GRID2: variants seen among roughly 807,000 people sequenced by gnomAD.
GRID2 encodes glutamate ionotropic receptor delta type subunit 2.
In GRID2, 33 loss-of-function variants were observed where a neutral mutation model predicts 114.8. The ratio of observed to expected loss-of-function variants is 0.29; its 90% CI spans 0.22 to 0.38. The LOEUF is 0.38. Among genes scored for constraint, GRID2 ranks in the 10% least tolerant of loss-of-function variants. The pLI is 1.00. For missense variants in GRID2, 1,184 were observed against 1,257.7 expected (o/e 0.94, Z 0.89); for synonymous variants, 505 against 449.9 (o/e 1.12, Z -1.55).
At chr4:92,444,658 C>T (rs1016637845) in intron 1 of GRID2, among the ~76,000 whole-genome samples, 2 of 152,012 alleles carry the variant, frequency 1.3e-5, no homozygotes, top group Non-Finnish European at 2.9e-5. Context: ...CCTGACATTT[C>T]GTACTATGGA....
chr4:92,944,262 C>G (rs1578556601), intron 2 of GRID2, among the ~76,000 whole-genome samples: 1 of 152,204 alleles, frequency 6.6e-6, no homozygotes, highest in East Asian at 1.9e-4. Context: ...CCTACTCAAG[C>G]CTGGGCAATT....
intron 1 of GRID2, among the ~76,000 whole-genome samples, chr4:92,568,055 G>A (rs569462651): frequency 6.6e-4 from 100 of 152,000 alleles, no homozygotes; most frequent in Non-Finnish European, 1.3e-3. Context: ...GTTTTAAACA[G>A]GGTCATCAAG....
Position 92,938,552 on chromosome 4 carries a change from T to G in GRID2, c.245-146443T>G, listed in dbSNP as rs970026014. Among the ~76,000 whole-genome samples the G allele has an allele frequency of 6.2e-5, 9 of 144,728 alleles. 2 individuals are homozygous for G. Among genetic ancestry groups the G allele is most frequent in the Non-Finnish European group, 1.4e-4 (9 of 65,098 alleles). The allele number at this position is 144,728 out of a possible 152,430, so 94.9% of individuals were successfully genotyped here. ...TGTAATATTAAGATTAGTGGGAGGA[T>G]TAATGTCAATATTTCTTTTTTTTTA... is the stretch of plus-strand genomic sequence containing the variant. On this transcript the variant is annotated intron_variant, in intron 2 of 15. Transcript: ENST00000282020.
At chr4:93,628,528 A>C (rs1369564581) in intron 14 of GRID2, among the ~76,000 whole-genome samples, 1 of 152,150 alleles carries the variant, frequency 6.6e-6, no homozygotes, top group Admixed American at 6.6e-5. Context: ...GAACAAATAG[A>C]AGAGACCCTT....
At chr4:92,465,816 A>G (rs1175732248) in intron 1 of GRID2, among the ~76,000 whole-genome samples, 1 of 151,966 alleles carries the variant, frequency 6.6e-6, no homozygotes, top group Non-Finnish European at 1.5e-5. Context: ...CACCAATGTG[A>G]AAAGCATCTA....
At chr4:92,537,466 T>A (rs2149158959) in intron 1 of GRID2, among the ~76,000 whole-genome samples, 1 of 152,308 alleles carries the variant, frequency 6.6e-6, no homozygotes, top group South Asian at 2.1e-4. Context: ...TTACCAATCT[T>A]CAATTATGAT....
intron 2 of GRID2, among the ~76,000 whole-genome samples, chr4:92,831,851 C>A (rs1163608684): frequency 6.6e-6 from 1 of 151,872 alleles, no homozygotes; most frequent in Non-Finnish European, 1.5e-5. Flanking sequence ...CAGAGCAAGA[C>A]CCCATCTTGC....
At chr4:92,536,543 A>T (rs911788525) in intron 1 of GRID2, among the ~76,000 whole-genome samples, 1 of 152,242 alleles carries the variant, frequency 6.6e-6, no homozygotes, top group Non-Finnish European at 1.5e-5. Context: ...AAGAATGAAG[A>T]TGAAATAAAA....
chr4:93,169,529 C>T (rs1021226338), intron 4 of GRID2, among the ~76,000 whole-genome samples: 6 of 152,056 alleles, frequency 3.9e-5, no homozygotes, highest in African/African-American at 1.2e-4. Flanking sequence ...AGTCAATATA[C>T]ATAGATTGCC....
chr4:93,152,981 A>C (rs1736866125), intron 4 of GRID2, among the ~76,000 whole-genome samples: 1 of 152,142 alleles, frequency 6.6e-6, no homozygotes, highest in Non-Finnish European at 1.5e-5. Context: ...TTGTCCTGAT[A>C]TGTCCTATTA....
chr4:92,371,434 C>G (rs1158163254), intron 1 of GRID2, among the ~76,000 whole-genome samples: 1 of 152,086 alleles, frequency 6.6e-6, no homozygotes, highest in Non-Finnish European at 1.5e-5. Flanking sequence ...GAGTGGAAGT[C>G]AATGCTCATT....
intron 2 of GRID2, among the ~76,000 whole-genome samples, chr4:92,706,633 A>T (rs879767668): frequency 6.6e-6 from 1 of 152,168 alleles, no homozygotes; most frequent in Non-Finnish European, 1.5e-5. Context: ...GGGCAGAGAT[A>T]GTAGAATACA....
chr4:93,146,414 C>A (rs1736231400), intron 4 of GRID2, among the ~76,000 whole-genome samples: 2 of 151,894 alleles, frequency 1.3e-5, no homozygotes. Flanking sequence ...TAATGTAAAC[C>A]CAGTCTTTGA....
intron 1 of GRID2, among the ~76,000 whole-genome samples, chr4:92,393,668 G>T (rs1200086839): frequency 6.6e-6 from 1 of 151,908 alleles, no homozygotes; most frequent in Non-Finnish European, 1.5e-5. Context: ...CTAATTCCTG[G>T]CTACAAACAT....
chr4:92,702,331 ATCT>A (rs1168774928), intron 2 of GRID2: 2 of 152,186 alleles, frequency 1.3e-5, no homozygotes, highest in Non-Finnish European at 2.9e-5. Flanking sequence ...GGTTCAATGA[ATCT>A]TCTTAACAAC....
intron 2 of GRID2, among the ~76,000 whole-genome samples, chr4:92,857,716 T>C (rs561179503): frequency 1.3e-5 from 2 of 152,286 alleles, no homozygotes; most frequent in South Asian, 4.1e-4. Flanking sequence ...TGAGAAGATA[T>C]AGCTAAGATC....
chr4:93,351,873 A>G (rs1760836746), intron 8 of GRID2, among the ~76,000 whole-genome samples: 2 of 151,996 alleles, frequency 1.3e-5, no homozygotes, highest in Non-Finnish European at 1.5e-5. Context: ...AGTGCTGCCT[A>G]CCAAACATGA....
At chr4:93,400,992 G>A (rs1047255282) in intron 9 of GRID2, among the ~76,000 whole-genome samples, 7 of 151,922 alleles carry the variant, frequency 4.6e-5, no homozygotes, top group South Asian at 2.1e-4. Context: ...GCATGCCACC[G>A]TGCCTGACTA....
intron 4 of GRID2, among the ~76,000 whole-genome samples, chr4:93,205,914 A>G (rs1213919229): frequency 2.0e-5 from 3 of 152,040 alleles, no homozygotes; most frequent in Non-Finnish European, 4.4e-5. Flanking sequence ...GCCAGTGATG[A>G]TGAGCATTTG....
Sources: allele counts gnomAD v4.1 joint callset (sites outside exome capture counted in the v4.1 genomes callset), GRCh38; gene constraint gnomAD v4.1.1; transcripts MANE v1.5; gene names NCBI Gene and HGNC (gene_info 2026-07-23, HGNC 2026-07-21).